The following PARD3B variants were observed in gnomAD, a reference collection of about 807,000 sequenced individuals.
PARD3B encodes par-3 family cell polarity regulator beta.
PARD3B carries 103 observed loss-of-function variants against 130.2 expected under a neutral mutation model. That is an observed-to-expected ratio of 0.79 (90% CI 0.67 to 0.93). PARD3B has a LOEUF of 0.93. PARD3B is among the 40% of genes least tolerant of loss of function. PARD3B has a pLI of 0.00. For synonymous variants in PARD3B, 583 were observed against 553.2 expected, an observed-to-expected ratio of 1.05 and a Z score of -0.76; for missense variants, 1,609 against 1,499.2, an observed-to-expected ratio of 1.07 and a Z score of -1.21.
intron 5 of PARD3B, among the ~76,000 whole-genome samples, chr2:205,110,434 T>A (rs1047556632): frequency 1.3e-5 from 2 of 152,156 alleles, no homozygotes; most frequent in African/African-American, 4.8e-5. Flanking sequence ...CTGGTTTCAG[T>A]TTTATCAATT....
intron 2 of PARD3B, among the ~76,000 whole-genome samples, chr2:204,771,363 C>T (rs985991055): frequency 2.6e-5 from 4 of 152,006 alleles, no homozygotes; most frequent in Admixed American, 6.6e-5. Flanking sequence ...GATGGATTTG[C>T]CAGCTTTGCT....
At chr2:204,978,703 T>G (rs1692402848) in intron 3 of PARD3B, among the ~76,000 whole-genome samples, 1 of 152,170 alleles carries the variant, frequency 6.6e-6, no homozygotes, top group African/African-American at 2.4e-5. Flanking sequence ...GTCTCATGCC[T>G]GTAATCCTAG....
chr2:204,710,059 C>T (rs1559078029), intron 2 of PARD3B, among the ~76,000 whole-genome samples: 3 of 152,236 alleles, frequency 2.0e-5, no homozygotes, highest in South Asian at 4.2e-4. Context: ...CGTAGAGTTA[C>T]CTGTCTATTT....
At chr2:205,016,412 T>TA (rs563716053) in intron 3 of PARD3B, among the ~76,000 whole-genome samples, 180 of 152,284 alleles carry the variant, frequency 1.2e-3, no homozygotes, top group Non-Finnish European at 2.1e-3. Flanking sequence ...GTCTTTCACT[T>TA]ACCCAACTCT....
chr2:204,808,988 G>C (rs568178557), intron 2 of PARD3B, among the ~76,000 whole-genome samples: 1 of 152,130 alleles, frequency 6.6e-6, no homozygotes, highest in South Asian at 2.1e-4. Flanking sequence ...GTGTGAGATG[G>C]TACCCCATTG....
At chr2:205,339,299 A>G (rs980721075) in intron 18 of PARD3B, among the ~76,000 whole-genome samples, 2 of 152,376 alleles carry the variant, frequency 1.3e-5, no homozygotes, top group South Asian at 4.1e-4. Flanking sequence ...GTGTTATTGT[A>G]TCAAGATTTA....
intron 3 of PARD3B, among the ~76,000 whole-genome samples, chr2:204,986,540 A>G (rs982681476): frequency 6.6e-6 from 1 of 152,206 alleles, no homozygotes; most frequent in Non-Finnish European, 1.5e-5. Context: ...ACATCCAACA[A>G]CTAGTTATTG....
chr2:204,976,472 AAC>A (rs1692163720), intron 3 of PARD3B, among the ~76,000 whole-genome samples: 1 of 152,180 alleles, frequency 6.6e-6, no homozygotes, highest in African/African-American at 2.4e-5. Context: ...GTACATGTAA[AAC>A]ACAGAGAATA....
chr2:204,845,760 A>T (rs1043193610), intron 2 of PARD3B, among the ~76,000 whole-genome samples: 5 of 152,262 alleles, frequency 3.3e-5, no homozygotes, highest in African/African-American at 1.2e-4. Context: ...CTTCACAACT[A>T]CACATCAATC....
chr2:204,572,055 C>A (rs891455021), intron 1 of PARD3B, among the ~76,000 whole-genome samples: 1 of 151,910 alleles, frequency 6.6e-6, no homozygotes, highest in African/African-American at 2.4e-5. Flanking sequence ...AGTAACTTTG[C>A]GGATCTAGAA....
At chr2:205,085,147 T>C (rs1701669304) in intron 4 of PARD3B, among the ~76,000 whole-genome samples, 1 of 152,070 alleles carries the variant, frequency 6.6e-6, no homozygotes, top group Non-Finnish European at 1.5e-5. Context: ...TAGGTTGGAA[T>C]TTATTATATC....
At chr2:205,132,805 T>C (rs2032128073) in intron 10 of PARD3B, among the ~76,000 whole-genome samples, 1 of 152,148 alleles carries the variant, frequency 6.6e-6, no homozygotes, top group African/African-American at 2.4e-5. Context: ...ACCTACCTTG[T>C]AGGGTTGTGT....
At chr2:205,376,939 C>T (rs1288720785) in intron 18 of PARD3B, among the ~76,000 whole-genome samples, 1 of 152,062 alleles carries the variant, frequency 6.6e-6, no homozygotes, top group East Asian at 1.9e-4. Context: ...ACTGGAAAAA[C>T]ACGTTCTTTA....
intron 18 of PARD3B, among the ~76,000 whole-genome samples, chr2:205,330,006 TAAATAAATAAATAAATAAATAAATAAATA>T (rs149690746): frequency 0.88 from 131,218 of 149,628 alleles, 57,518 homozygotes; most frequent in Admixed American, 0.92. Flanking sequence ...AATAAATAAA[TAAATAAATAAATAAATAAATAAATAAATA>T]AAATAAAATA....
In PARD3B at chr2:204,673,779, T is replaced by C. The variant is rs1559048210; in HGVS notation, c.121-12402T>C. Among the ~76,000 whole-genome samples, 1 of 152,246 alleles carries C rather than the reference T, an allele frequency of 6.6e-6. No individual in the cohort carries two copies. Among genetic ancestry groups the C allele is most frequent in the Non-Finnish European group, 1.5e-5 (1 of 68,048 alleles). ...TAATTCACGTATGTATTTTGTTTGTTAATTATTGTCTTCTCCCTTCACTAA... is the reference window on the plus strand; with the variant it reads ...TAATTCACGTATGTATTTTGTTTGTCAATTATTGTCTTCTCCCTTCACTAA... On this transcript the variant is annotated intron_variant, in intron 1 of 22. Transcript: ENST00000406610. The surrounding 1 kb of genome is among the most constrained non-coding windows in gnomAD (Gnocchi z 4.7).
intron 18 of PARD3B, among the ~76,000 whole-genome samples, chr2:205,390,669 G>T: frequency 6.6e-6 from 1 of 152,064 alleles, no homozygotes; most frequent in East Asian, 1.9e-4. Context: ...AACATCTGAA[G>T]ATGGAACAGT....
intron 20 of PARD3B, among the ~76,000 whole-genome samples, chr2:205,498,248 T>C (rs563207647): frequency 6.8e-6 from 1 of 146,428 alleles, no homozygotes; most frequent in Non-Finnish European, 1.5e-5. Flanking sequence ...ACGCCTGTAA[T>C]CCCAGTACTT....
At chr2:205,029,753 A>G (rs956494497) in intron 3 of PARD3B, among the ~76,000 whole-genome samples, 15 of 152,120 alleles carry the variant, frequency 9.9e-5, no homozygotes, top group Admixed American at 1.3e-4. Context: ...GCATTTAGCA[A>G]TCTTCAGTAA....
At position 205,620,109 on chromosome 2, in the gene PARD3B, A is replaced by G. The variant is rs935435465; in HGVS notation, c.*4296A>G. On this transcript the variant is annotated 3_prime_UTR_variant, in exon 23 of 23. Transcript: ENST00000406610. ...TTTGGAAGTTGTTATATATGAGTAT[A>G]TAAATTTTTCTTTTCATATTTTACA... 1 of 152,120 alleles carries G rather than the reference A, an allele frequency of 6.6e-6. No individual in the cohort carries two copies. The highest frequency in any genetic ancestry group is 2.4e-5 in the African/African-American group (1 of 41,438). 9.4% of individuals were successfully genotyped at this position (152,120 alleles called of 1,614,324 possible). A position where few individuals can be genotyped will look rare whatever the true frequency, so the allele number is the denominator to read the frequency against.
Sources: gnomAD v4.1 joint callset for allele counts (sites outside exome capture counted in the v4.1 genomes callset) on GRCh38, gnomAD v4.1.1 for gene constraint, Gnocchi (gnomAD v3.1) non-coding constraint, MANE v1.5 for transcripts, NCBI Gene and HGNC (gene_info 2026-07-23, HGNC 2026-07-21) for gene names.